Variants in NINL observed in about 807,000 individuals in gnomAD.
The protein encoded by NINL is ninein-like protein.
NINL carries 153 observed loss-of-function variants against 160.3 expected under a neutral mutation model. That is an observed-to-expected ratio of 0.95 (90% CI 0.84 to 1.09). The LOEUF is 1.09. Among genes scored for constraint, NINL ranks in the 50% least tolerant of loss-of-function variants. NINL has a pLI of 0.00. For synonymous variants in NINL, 800 were observed against 734.8 expected (o/e 1.09, Z -1.43); for missense variants, 1,829 against 1,764.0 (o/e 1.04, Z -0.66).
At chr20:25,512,602 A>G (rs2064091087) in intron 4 of NINL, among the ~76,000 whole-genome samples, 1 of 152,118 alleles carries the variant, frequency 6.6e-6, no homozygotes, top group Non-Finnish European at 1.5e-5. Flanking sequence ...GAAATTCTCT[A>G]TTGCACTAAT....
intron 1 of NINL, among the ~76,000 whole-genome samples, chr20:25,544,733 G>T (rs1359680349): frequency 2.0e-5 from 3 of 152,148 alleles, no homozygotes; most frequent in Non-Finnish European, 4.4e-5. Context: ...GAAAAAAGCA[G>T]CCACAAAAAG....
intron 13 of NINL, among the ~76,000 whole-genome samples, chr20:25,487,472 T>C (rs1239973103): frequency 3.3e-5 from 5 of 152,210 alleles, no homozygotes. Context: ...AGTCATAACA[T>C]GCCCAGCCGT....
In NINL at chr20:25,481,982, C is replaced by T; in HGVS notation, c.1796G>A (p.Gly599Glu). 6.3e-7 allele frequency: 1 copy of T among 1,597,588 alleles called. No individual in the cohort carries two copies. The highest frequency in any genetic ancestry group is 1.1e-5 in the South Asian group (1 of 90,964). Residue 599 changes from glycine (G) to glutamate (E), a missense_variant, in exon 14 of 24, where the codon GGA becomes GAA. Gly to Glu is a moderately conservative substitution (Grantham distance 98). Coordinates refer to ENST00000278886, the MANE Select transcript of NINL (RefSeq NM_025176.6). Reference protein sequence around the residue: ...SPDGRRRQLPGLGPAGISFLG... With the variant: ...SPDGRRRQLPELGPAGISFLG... ...CGGGCTCCTACCTGCTGGGCCGAGTCCAGGGAGCTGCCGTCTGCGCCCATC... is the reference window on the plus strand; with the variant it reads ...CGGGCTCCTACCTGCTGGGCCGAGTTCAGGGAGCTGCCGTCTGCGCCCATC...
intron 1 of NINL, among the ~76,000 whole-genome samples, chr20:25,565,111 T>G (rs970346088): frequency 1.2e-4 from 18 of 152,322 alleles, no homozygotes; most frequent in Admixed American, 1.0e-3. Context: ...ATTCTCATGA[T>G]GAAGACTGGA....
chr20:25,481,084 C>G (rs1196219841), intron 14 of NINL, among the ~76,000 whole-genome samples: 1 of 152,156 alleles, frequency 6.6e-6, no homozygotes. Flanking sequence ...CTAGGCTCCC[C>G]TATGAGGTTC....
At chr20:25,532,374 C>A (rs1386358993) in intron 1 of NINL, among the ~76,000 whole-genome samples, 2 of 152,248 alleles carry the variant, frequency 1.3e-5, no homozygotes, top group African/African-American at 4.8e-5. Context: ...GGCTGGCCAG[C>A]AGGGCTGGCG....
intron 10 of NINL, among the ~76,000 whole-genome samples, chr20:25,496,327 T>G (rs1295629946): frequency 6.6e-6 from 1 of 152,132 alleles, no homozygotes; most frequent in Non-Finnish European, 1.5e-5. Flanking sequence ...CCTTGCAACA[T>G]AGCCACCTGC....
intron 20 of NINL, 105 bp from the exon 21 acceptor site, chr20:25,461,740 A>G: frequency 1.3e-6 from 1 of 796,444 alleles, no homozygotes; most frequent in Non-Finnish European, 2.0e-6. Flanking sequence ...AAAAGTACAA[A>G]ATTTAAATCC....
At chr20:25,457,304 CAG>C (rs1052969909) in intron 22 of NINL, among the ~76,000 whole-genome samples, 26 of 152,314 alleles carry the variant, frequency 1.7e-4, no homozygotes, top group African/African-American at 4.8e-4. Context: ...AGCCTGGCAA[CAG>C]AGTCAGACTC....
At chr20:25,465,613 C>T (rs1022936244) in intron 19 of NINL, among the ~76,000 whole-genome samples, 3 of 152,234 alleles carry the variant, frequency 2.0e-5, no homozygotes, top group Admixed American at 2.0e-4. Context: ...ATTAGGTCAC[C>T]CCAACTGTCC....
chr20:25,474,941 C>A (rs1227055712), intron 17 of NINL, among the ~76,000 whole-genome samples: 1 of 151,910 alleles, frequency 6.6e-6, no homozygotes, highest in African/African-American at 2.4e-5. Context: ...GCGCACGCCA[C>A]CACACTAATT....
intron 1 of NINL, among the ~76,000 whole-genome samples, chr20:25,564,693 T>A (rs1294054121): frequency 6.6e-6 from 1 of 151,948 alleles, no homozygotes; most frequent in African/African-American, 2.4e-5. Context: ...CCTCAAGTGA[T>A]CCACCTGCCT....
At chr20:25,469,787 G>A (rs2063047627) in intron 18 of NINL, among the ~76,000 whole-genome samples, 1 of 152,192 alleles carries the variant, frequency 6.6e-6, no homozygotes, top group Non-Finnish European at 1.5e-5. Flanking sequence ...GGGCGTTCAG[G>A]TGCCGCCCAC....
intron 1 of NINL, among the ~76,000 whole-genome samples, chr20:25,552,518 A>C (rs193199977): frequency 5.9e-4 from 90 of 152,408 alleles, no homozygotes; most frequent in Non-Finnish European, 9.4e-4. Flanking sequence ...TTATCCTATT[A>C]ATCAAACAGT....
intron 22 of NINL, among the ~76,000 whole-genome samples, chr20:25,457,959 A>C (rs1365499511): frequency 6.6e-6 from 1 of 152,066 alleles, no homozygotes; most frequent in African/African-American, 2.4e-5. Flanking sequence ...GCGGGATCCC[A>C]CCCTCCACAG....
At chr20:25,517,063 T>C (rs1223364928) in intron 3 of NINL, among the ~76,000 whole-genome samples, 1 of 152,030 alleles carries the variant, frequency 6.6e-6, no homozygotes, top group Non-Finnish European at 1.5e-5. Flanking sequence ...CAAAGCTCAA[T>C]GCCATACGCT....
At chr20:25,509,237 C>T (rs188997369) in intron 5 of NINL, among the ~76,000 whole-genome samples, 167 of 152,310 alleles carry the variant, frequency 1.1e-3, no homozygotes, top group African/African-American at 3.6e-3. Context: ...AGCCCAGCCA[C>T]GCTGAGGCCT....
At chr20:25,481,617 G>T (rs950764752) in intron 14 of NINL, among the ~76,000 whole-genome samples, 1 of 152,206 alleles carries the variant, frequency 6.6e-6, no homozygotes, top group African/African-American at 2.4e-5. Flanking sequence ...TGTCTGAACA[G>T]GCCTGAGTAC....
At chr20:25,517,723 G>A (rs777593179) in intron 3 of NINL, 30 bp downstream of exon 3, 4 of 1,489,140 alleles carry the variant, frequency 2.7e-6, no homozygotes, top group Non-Finnish European at 3.7e-6. Flanking sequence ...AACAAATAAT[G>A]AAAAGAAAAC....
Sources: allele counts gnomAD v4.1 joint callset (sites outside exome capture counted in the v4.1 genomes callset), GRCh38; gene constraint gnomAD v4.1.1; transcripts MANE v1.5; gene names NCBI Gene and HGNC (gene_info 2026-07-23, HGNC 2026-07-21).